Variants in CHMP1A observed in about 807,000 individuals in gnomAD.
CHMP1A encodes the protein VPS46 homolog A.
In CHMP1A, 17 loss-of-function variants were observed where a neutral mutation model predicts 27.0. That is an observed-to-expected ratio of 0.63 (90% CI 0.43 to 0.95). The LOEUF (loss-of-function observed/expected upper bound fraction) is 0.95, where lower values mean the gene tolerates loss of function less well. Among genes scored for constraint, CHMP1A ranks in the 40% least tolerant of loss-of-function variants. The pLI is 0.00. For synonymous variants in CHMP1A, 131 were observed against 107.5 expected, an observed-to-expected ratio of 1.22 and a Z score of -1.35; for missense variants, 275 against 264.0, an observed-to-expected ratio of 1.04 and a Z score of -0.29.
chr16:89,646,538 C>T lies in CHMP1A; in HGVS notation c.558G>A (p.Gln186=). 6.3e-7 allele frequency: 1 copy of T among 1,583,204 alleles called. No individual in the cohort carries two copies. Among genetic ancestry groups the T allele is most frequent in the Non-Finnish European group, 8.6e-7 (1 of 1,165,530 alleles). Residue 186 remains glutamine (Q), a synonymous_variant, in exon 6 of 7, where the codon CAG becomes CAA. Transcript: ENST00000397901. ...GESSVRSQED[Q]LSRRLAALRN is the part of the protein sequence containing the mutation. Reference sequence around the variant, plus strand: ...GGGACCGACCCTACCTCCGTGACAGCTGGTCCTCCTGGCTGCGCACAGAGC... The same window carrying T: ...GGGACCGACCCTACCTCCGTGACAGTTGGTCCTCCTGGCTGCGCACAGAGC...
chr16:89,647,174 C>T, intron 5 of CHMP1A, 29 bp downstream of exon 5: 1 of 1,604,670 alleles, frequency 6.2e-7, no homozygotes, highest in South Asian at 1.1e-5. Flanking sequence ...TGTCCCCAGG[C>T]CACAGCCCCA....
At position 89,657,678 on chromosome 16, in the gene CHMP1A, G is replaced by T; in HGVS notation, c.-90C>A. The T allele has an allele frequency of 6.4e-7, 1 of 1,557,506 alleles. No individual in the cohort carries two copies. The highest frequency in any genetic ancestry group is 8.8e-7 in the Non-Finnish European group (1 of 1,142,320). ...TCCCGGCGGCGATCGAACCGACCAA[G>T]CTGCACCCGGCGGGGACTTCCGGGG... is the stretch of plus-strand genomic sequence containing the variant. On this transcript the variant is annotated 5_prime_UTR_variant, in exon 1 of 7. Coordinates refer to ENST00000397901, the MANE Select transcript of CHMP1A (RefSeq NM_002768.5).
intron 1 of CHMP1A, among the ~76,000 whole-genome samples, chr16:89,655,768 C>G (rs258333): frequency 0.97 from 147,886 of 152,272 alleles, 71,937 homozygotes; most frequent in East Asian, 1. Context: ...TAGAATTACA[C>G]GTGCACGCCA....
chr16:89,646,686 G>A lies in CHMP1A; in HGVS notation c.410C>T (p.Thr137Ile), dbSNP rs1457610843. The change falls in exon 6 of 7, where the codon ACC (threonine) becomes ATC (isoleucine). Residue 137 changes from threonine to isoleucine, a missense_variant. By Grantham distance (89) the Thr-to-Ile change is moderately conservative (BLOSUM62 -1). Transcript: ENST00000397901. ...SVMEDSMSSA[T>I]TLTTPQEQVD... ...CTGCTCCTGCGGCGTGGTCAGGGTG[G>A]TGGCCGAGCTCATGGAGTCCTCCAT... is the stretch of plus-strand genomic sequence containing the variant. The A allele has an allele frequency of 1.2e-6, 2 of 1,610,526 alleles. No homozygotes were observed. Among genetic ancestry groups the A allele is most frequent in the Middle Eastern group, 1.7e-4 (1 of 6,054 alleles).
chr16:89,655,373 CCCTCACCTCAGCTT>C (rs2059856471), intron 1 of CHMP1A, among the ~76,000 whole-genome samples: 1 of 51,372 alleles, frequency 1.9e-5, no homozygotes, highest in African/African-American at 4.2e-5. Context: ...TCTCAGCTTT[CCCTCACCTCAGCTT>C]TCCCTCACCT....
intron 5 of CHMP1A, 77 bp from the exon 6 acceptor site, chr16:89,646,791 C>G: frequency 6.8e-7 from 1 of 1,463,726 alleles, no homozygotes; most frequent in Middle Eastern, 1.7e-4. Context: ...AAGGGTACGA[C>G]TGCACTTTTC....
intron 2 of CHMP1A, among the ~76,000 whole-genome samples, chr16:89,653,214 G>C (rs1443063953): frequency 6.7e-6 from 1 of 149,964 alleles, no homozygotes; most frequent in Non-Finnish European, 1.5e-5. Context: ...TAGAGATGGG[G>C]TTTCACTGTG....
intron 3 of CHMP1A, 137 bp from the exon 4 acceptor site, chr16:89,649,634 G>T: frequency 9.8e-7 from 1 of 1,023,396 alleles, no homozygotes; most frequent in Non-Finnish European, 1.4e-6. Context: ...GGAGTGCAGT[G>T]GCACGATCTC....
At chr16:89,647,461 T>C in intron 4 of CHMP1A, 130 bp from the exon 5 acceptor site, 1 of 789,196 alleles carries the variant, frequency 1.3e-6, no homozygotes, top group Non-Finnish European at 2.0e-6. Flanking sequence ...ACCCCAACTC[T>C]GGGCTGAGCC....
At chr16:89,654,460 C>A (rs1415403058) in intron 1 of CHMP1A, among the ~76,000 whole-genome samples, 1 of 151,990 alleles carries the variant, frequency 6.6e-6, no homozygotes, top group Non-Finnish European at 1.5e-5. Flanking sequence ...GACTCTTTCT[C>A]CTCAAAGGTA....
At chr16:89,657,165 G>C (rs1370058585) in intron 1 of CHMP1A, among the ~76,000 whole-genome samples, 3 of 147,950 alleles carry the variant, frequency 2.0e-5, no homozygotes, top group East Asian at 2.0e-4. Flanking sequence ...TCGGTGGTCG[G>C]GGGTCGAGGC....
In CHMP1A at chr16:89,651,650, A is replaced by G. The variant is rs2151515200; in HGVS notation, c.28-4T>C. 1 of 1,613,370 alleles carries G rather than the reference A, an allele frequency of 6.2e-7. No individual in the cohort carries two copies. Among genetic ancestry groups the G allele is most frequent in the Non-Finnish European group, 8.5e-7 (1 of 1,179,776 alleles). ...TCTCCAGCTGCTTCGCCGTGAACTG[A>G]GCGGAAGCCGGAATGTCCTGGGTCA... On this transcript the variant is annotated splice_region_variant and splice_polypyrimidine_tract_variant and intron_variant, in intron 2 of 6. Transcript: ENST00000397901.
In CHMP1A at chr16:89,649,371, T is replaced by C. The variant is rs754369355; in HGVS notation, c.232A>G (p.Thr78Ala). The change falls in exon 4 of 7, where the codon ACA (threonine) becomes GCA (alanine). Residue 78 changes from threonine (T) to alanine (A), a missense_variant. By Grantham distance (58) the Thr-to-Ala change is moderately conservative (BLOSUM62 0). Coordinates refer to ENST00000397901, the MANE Select transcript of CHMP1A (RefSeq NM_002768.5). ...CTCACCCCCTTCATAGTCACAGCTG[T>C]CTGCACCTTGGAGGCCACTGCGTCT... ...RVDAVASKVQ[T>A]AVTMKGVTKN... The C allele has an allele frequency of 2.5e-6, 4 of 1,613,390 alleles. No homozygotes were observed. In the South Asian group the frequency reaches 3.3e-5, roughly 13 times the overall value.
intron 4 of CHMP1A, 156 bp downstream of exon 4, chr16:89,649,195 C>T (rs1207665801): frequency 2.1e-6 from 1 of 466,662 alleles, no homozygotes; most frequent in Non-Finnish European, 3.1e-6. Flanking sequence ...AGCCCTCAAC[C>T]TCCCCACCCC....
In CHMP1A at chr16:89,651,654, G is replaced by A; in HGVS notation, c.28-8C>T. On this transcript the variant is annotated splice_region_variant and splice_polypyrimidine_tract_variant and intron_variant, in intron 2 of 6. Transcript: ENST00000397901. ...CAGCTGCTTCGCCGTGAACTGAGCG[G>A]AAGCCGGAATGTCCTGGGTCAGACA... 1 of 1,613,352 alleles carries A rather than the reference G, an allele frequency of 6.2e-7. No individual in the cohort carries two copies. The highest frequency in any genetic ancestry group is 1.7e-5 in the Admixed American group (1 of 60,006).
At position 89,651,329 on chromosome 16, in the gene CHMP1A, C is replaced by G. The variant is rs577153916; in HGVS notation, c.105+240G>C. ...GAGGTTGCAGTGAGACGAGATCGCACCTGTGCACTCCAGCCTGGGCGACAG... is the reference window on the plus strand; with the variant it reads ...GAGGTTGCAGTGAGACGAGATCGCAGCTGTGCACTCCAGCCTGGGCGACAG... On this transcript the variant is annotated intron_variant, in intron 3 of 6. Transcript: ENST00000397901. 9.2e-5 allele frequency among the ~76,000 whole-genome samples: 14 copies of G among 152,190 alleles called. No homozygotes were observed. The East Asian group carries it at 2.5e-3, about 27-fold the overall frequency.
chr16:89,648,874 G>A (rs8055162), intron 4 of CHMP1A, among the ~76,000 whole-genome samples: 63,864 of 116,940 alleles, frequency 0.55, 17,126 homozygotes, highest in East Asian at 0.84. Context: ...AAAATGAAAA[G>A]ATCAGCCGGG....
chr16:89,646,176 C>T (rs746671321), intron 6 of CHMP1A, 89 bp from the exon 7 acceptor site: 68 of 1,223,212 alleles, frequency 5.6e-5, no homozygotes, highest in Non-Finnish European at 6.2e-5. Context: ...CCTTTTCCTC[C>T]TCAGTGTCCT....
rs779122878 is a variant in CHMP1A, at chr16:89,653,900, A to T, written c.27+4T>A. ...GCTGGGGTGAACGGCCATTCGGTACATACCTTCAACTGGAACAGGGTATCT... is the reference window on the plus strand; with the variant it reads ...GCTGGGGTGAACGGCCATTCGGTACTTACCTTCAACTGGAACAGGGTATCT... On this transcript the variant is annotated splice_donor_region_variant and intron_variant, in intron 2 of 6. Transcript: ENST00000397901. 3 of 1,613,636 alleles carry T rather than the reference A, an allele frequency of 1.9e-6. No homozygotes were observed.
Sources: gnomAD v4.1 joint callset for allele counts (sites outside exome capture counted in the v4.1 genomes callset) on GRCh38, gnomAD v4.1.1 for gene constraint, MANE v1.5 for transcripts, NCBI Gene and HGNC (gene_info 2026-07-23, HGNC 2026-07-21) for gene names.